The following NTRK3 variants were observed in gnomAD, a reference collection of about 807,000 sequenced individuals.
The protein encoded by NTRK3 is neurotrophic receptor tyrosine kinase 3, also known as NT-3 growth factor receptor.
NTRK3 carries 24 observed loss-of-function variants against 91.7 expected under a neutral mutation model. That is an observed-to-expected ratio of 0.26 (90% confidence interval 0.19 to 0.37). The LOEUF is 0.37. Among genes scored for constraint, NTRK3 ranks in the 10% least tolerant of loss-of-function variants. The pLI is 1.00. For missense variants in NTRK3, 880 were observed against 1,068.9 expected (o/e 0.82, Z 2.46); for synonymous variants, 483 against 404.0 (o/e 1.20, Z -2.34).
intron 14 of NTRK3, among the ~76,000 whole-genome samples, chr15:87,948,776 C>T (rs966044687): frequency 5.9e-5 from 9 of 152,266 alleles, no homozygotes; most frequent in East Asian, 1.9e-4. Context: ...GAATGACCAC[C>T]AGCCCTGATT....
chr15:87,990,940 C>T lies in NTRK3; in HGVS notation c.1585+41917G>A, dbSNP rs144892547. Among the ~76,000 whole-genome samples, 32 of 152,302 alleles carry T rather than the reference C, an allele frequency of 2.1e-4. 1 individual carries two copies. In the East Asian group the frequency reaches 5.8e-3, roughly 28 times the overall value. ...CATAACTTAATTCCAACCCTAACCT[C>T]CACTGTTTTGCAGATCATTCATGAT... On this transcript the variant is annotated intron_variant, in intron 14 of 18. Transcript: ENST00000394480.
intron 14 of NTRK3, among the ~76,000 whole-genome samples, chr15:88,003,084 A>C (rs111366872): frequency 4.5e-4 from 69 of 152,378 alleles, no homozygotes; most frequent in African/African-American, 1.6e-3. Flanking sequence ...GAGAAGAAGC[A>C]AGAAAGATTT....
intron 3 of NTRK3, among the ~76,000 whole-genome samples, chr15:88,214,817 G>T (rs1340518109): frequency 6.6e-6 from 1 of 152,176 alleles, no homozygotes; most frequent in African/African-American, 2.4e-5. Flanking sequence ...TAACCGGCTG[G>T]GCACACATCT....
At chr15:88,107,682 T>C (rs903354153) in intron 13 of NTRK3, among the ~76,000 whole-genome samples, 2 of 152,036 alleles carry the variant, frequency 1.3e-5, no homozygotes, top group Non-Finnish European at 2.9e-5. Context: ...GGCCTATCCA[T>C]TTGCACACAG....
intron 15 of NTRK3, 123 bp downstream of exon 15, chr15:87,940,500 C>T: frequency 1.3e-6 from 2 of 1,493,208 alleles, no homozygotes; most frequent in South Asian, 1.1e-5. Flanking sequence ...GGAGCAAAGT[C>T]CTTTGATTGC....
intron 3 of NTRK3, among the ~76,000 whole-genome samples, chr15:88,194,567 A>C (rs1438251945): frequency 6.6e-6 from 1 of 152,194 alleles, no homozygotes; most frequent in Non-Finnish European, 1.5e-5. Context: ...ACCTGCGTCC[A>C]GGCCACCATC....
At chr15:88,002,846 C>G (rs957933202) in intron 14 of NTRK3, among the ~76,000 whole-genome samples, 2 of 151,850 alleles carry the variant, frequency 1.3e-5, no homozygotes, top group African/African-American at 4.8e-5. Context: ...GGAAAAAAAA[C>G]AAAAAGCAGA....
intron 13 of NTRK3, among the ~76,000 whole-genome samples, chr15:88,092,073 T>C (rs1167866728): frequency 1.3e-5 from 2 of 152,202 alleles, no homozygotes; most frequent in Non-Finnish European, 2.9e-5. Context: ...TGAAGCCCAC[T>C]TCTGCCTTAC....
intron 3 of NTRK3, among the ~76,000 whole-genome samples, chr15:88,201,770 G>A (rs1026156465): frequency 6.6e-6 from 1 of 152,144 alleles, no homozygotes; most frequent in Non-Finnish European, 1.5e-5. Flanking sequence ...CCACCATGAT[G>A]TTGGGCTTTT....
chr15:88,222,275 A>G (rs2050298417), intron 3 of NTRK3, among the ~76,000 whole-genome samples: 1 of 152,302 alleles, frequency 6.6e-6, no homozygotes, highest in East Asian at 1.9e-4. Context: ...CATCACCCAC[A>G]CTAAAACCTC....
At chr15:88,159,546 G>C (rs1200244018) in intron 5 of NTRK3, among the ~76,000 whole-genome samples, 1 of 152,222 alleles carries the variant, frequency 6.6e-6, no homozygotes, top group Non-Finnish European at 1.5e-5. Flanking sequence ...CACTGATCTG[G>C]TGAAATTTTG....
intron 13 of NTRK3, among the ~76,000 whole-genome samples, chr15:88,083,579 G>A (rs1055010344): frequency 1.3e-5 from 2 of 152,132 alleles, no homozygotes; most frequent in Non-Finnish European, 2.9e-5. Context: ...GCCTGGAAGG[G>A]TTAAGACAGT....
chr15:87,869,617 T>C (rs1296914248), exon 19 of NTRK3: 1 of 209,086 alleles, frequency 4.8e-6, no homozygotes, highest in Non-Finnish European at 9.7e-6. Flanking sequence ...AGCTGGATTG[T>C]CAGTCCCATG....
At chr15:88,159,790 A>G (rs966503675) in intron 5 of NTRK3, among the ~76,000 whole-genome samples, 6 of 152,058 alleles carry the variant, frequency 3.9e-5, no homozygotes, top group African/African-American at 1.2e-4. Flanking sequence ...AGAATCTCCA[A>G]TGGGGACGTG....
At chr15:88,202,286 T>A (rs1456354463) in intron 3 of NTRK3, among the ~76,000 whole-genome samples, 1 of 152,154 alleles carries the variant, frequency 6.6e-6, no homozygotes, top group East Asian at 1.9e-4. Flanking sequence ...TCAACTTCAC[T>A]TCCGTTCGAC....
intron 5 of NTRK3, among the ~76,000 whole-genome samples, chr15:88,178,582 C>CT (rs2046204678): frequency 6.6e-6 from 1 of 152,202 alleles, no homozygotes; most frequent in African/African-American, 2.4e-5. Context: ...GCATCCAGAG[C>CT]TTTTTGGAAA....
At chr15:87,889,990 T>C (rs1189163307) in intron 17 of NTRK3, among the ~76,000 whole-genome samples, 1 of 103,982 alleles carries the variant, frequency 9.6e-6, no homozygotes, top group South Asian at 3.0e-4. Flanking sequence ...TTATTTATTG[T>C]TGATGATCCC....
intron 3 of NTRK3, among the ~76,000 whole-genome samples, chr15:88,207,937 C>G (rs1476876575): frequency 6.6e-6 from 1 of 152,188 alleles, no homozygotes; most frequent in African/African-American, 2.4e-5. Flanking sequence ...AACAGGTAAC[C>G]TTGTGGATTC....
chr15:88,099,995 G>T (rs1299587205), intron 13 of NTRK3, among the ~76,000 whole-genome samples: 1 of 152,106 alleles, frequency 6.6e-6, no homozygotes, highest in East Asian at 1.9e-4. Flanking sequence ...AACTCCAAGG[G>T]CAGCAATGGA....
Sources: allele counts gnomAD v4.1 joint callset (sites outside exome capture counted in the v4.1 genomes callset), GRCh38; gene constraint gnomAD v4.1.1; transcripts MANE v1.5; gene names NCBI Gene and HGNC (gene_info 2026-07-23, HGNC 2026-07-21).